Variants in NDST1 observed in about 807,000 individuals in gnomAD.
NDST1 encodes bifunctional heparan sulfate N-deacetylase/N-sulfotransferase 1.
NDST1 carries 35 observed loss-of-function variants against 92.8 expected under a neutral mutation model. The ratio of observed to expected loss-of-function variants is 0.38; its 90% CI spans 0.29 to 0.50. NDST1 has a LOEUF of 0.50. Among genes scored for constraint, NDST1 ranks in the 20% least tolerant of loss-of-function variants. NDST1 has a pLI of 0.94. For missense variants in NDST1, 822 were observed against 1,182.7 expected (o/e 0.69, Z 4.47); for synonymous variants, 493 against 500.3 (o/e 0.99, Z 0.19).
intron 1 of NDST1, among the ~76,000 whole-genome samples, chr5:150,501,023 C>T (rs1276325862): frequency 6.6e-6 from 1 of 152,198 alleles, no homozygotes; most frequent in Non-Finnish European, 1.5e-5. Flanking sequence ...TCGTCACAGC[C>T]ACCCCGGAGG....
chr5:150,523,662 A>T (rs1346044637), intron 2 of NDST1, among the ~76,000 whole-genome samples: 2 of 152,204 alleles, frequency 1.3e-5, no homozygotes, highest in Non-Finnish European at 2.9e-5. Context: ...CAGAGGCCAC[A>T]CCCAGTGCAC....
upstream of NDST1, among the ~76,000 whole-genome samples, chr5:150,505,259 C>T (rs761327188): frequency 6.6e-6 from 1 of 152,144 alleles, no homozygotes. Context: ...CTACCTGCTC[C>T]CGGCTGTCCA....
intron 1 of NDST1, among the ~76,000 whole-genome samples, chr5:150,510,115 C>T (rs748053348): frequency 1.2e-4 from 18 of 152,288 alleles, no homozygotes; most frequent in Middle Eastern, 6.8e-3. Flanking sequence ...TGTGTGACTT[C>T]GAGCGGTTGC....
chr5:150,528,443 T>C, intron 3 of NDST1, 145 bp downstream of exon 3: 1 of 925,722 alleles, frequency 1.1e-6, no homozygotes. Flanking sequence ...CTTCCTGTCC[T>C]GCCAGTTGGT....
chr5:150,553,098 C>T lies in NDST1; in HGVS notation c.2530-115C>T. Reference sequence around the variant, plus strand: ...TCAGGTGATCCACATGCCTCGGCCTCCCAAAGTGCTGGGATTACAGGCATG... The same window carrying T: ...TCAGGTGATCCACATGCCTCGGCCTTCCAAAGTGCTGGGATTACAGGCATG... On this transcript the variant is annotated intron_variant, in intron 14 of 14. Coordinates refer to ENST00000261797, the MANE Select transcript of NDST1 (RefSeq NM_001543.5). The surrounding 1 kb of genome is among the most constrained non-coding windows in gnomAD (Gnocchi z 4.2). 3 of 1,124,932 alleles carry T rather than the reference C, an allele frequency of 2.7e-6. No homozygotes were observed. The South Asian group carries it at 3.7e-5, about 14-fold the overall frequency. The allele number at this position is 1,124,932 out of a possible 1,614,324, so 69.7% of individuals were successfully genotyped here.
Position 150,533,179 on chromosome 5 carries a change from C to T in NDST1, c.1096+147C>T, listed in dbSNP as rs1248940964. 3.2e-5 allele frequency: 26 copies of T among 814,086 alleles called. 1 individual carries two copies. The South Asian group carries it at 3.6e-4, about 11-fold the overall frequency. The allele number at this position is 814,086 out of a possible 1,614,324, so 50.4% of individuals were successfully genotyped here. On this transcript the variant is annotated intron_variant, in intron 4 of 14. Transcript: ENST00000261797. ...GACCCCTCTGCCCCCGTGGAGCCAA[C>T]AGCCTACAAGAGCAGTCACAACCCA...
At position 150,528,079 on chromosome 5, in the gene NDST1, C is replaced by T. The variant is rs2273233; in HGVS notation, c.789C>T (p.His263=). Residue 263 remains histidine, a synonymous_variant, in exon 3 of 15, where the codon CAC becomes CAT. Transcript: ENST00000261797. ...GADAGLHAAL[H]ATVVQDLGLH... is the part of the protein sequence containing the mutation. ...ACGCCGGCCTGCATGCTGCACTGCA[C>T]GCCACTGTGGTCCAGGACCTGGGCC... 14,414 of 1,613,792 alleles carry T rather than the reference C, an allele frequency of 8.9e-3. 887 individuals are homozygous for T. The East Asian group carries it at 0.18, about 20-fold the overall frequency.
intron 5 of NDST1, 117 bp downstream of exon 5, chr5:150,535,138 C>A: frequency 6.9e-7 from 1 of 1,455,044 alleles, no homozygotes. Context: ...ACTAACACCT[C>A]TGGGCCAGGG....
At chr5:150,512,971 G>A (rs1279302321) in intron 1 of NDST1, among the ~76,000 whole-genome samples, 1 of 152,222 alleles carries the variant, frequency 6.6e-6, no homozygotes, top group Non-Finnish European at 1.5e-5. Flanking sequence ...GGGAAGCCAA[G>A]GCAGGAGGAT....
At chr5:150,513,255 C>A (rs1439793674) in intron 1 of NDST1, among the ~76,000 whole-genome samples, 2 of 151,938 alleles carry the variant, frequency 1.3e-5, no homozygotes, top group African/African-American at 4.8e-5. Flanking sequence ...CTTTGGGAGG[C>A]CGAGGCAGGT....
chr5:150,540,060 C>T, intron 7 of NDST1, 22 bp from the exon 8 acceptor site: 1 of 1,614,038 alleles, frequency 6.2e-7, no homozygotes, highest in Non-Finnish European at 8.5e-7. Context: ...CCCTGCCTCT[C>T]TCCTCCCCTC....
chr5:150,537,151 G>A (rs1388486361), intron 6 of NDST1, among the ~76,000 whole-genome samples: 3 of 152,226 alleles, frequency 2.0e-5, no homozygotes, highest in African/African-American at 7.2e-5. Flanking sequence ...ATCTTCATAA[G>A]CTGAGGATGA....
upstream of NDST1, among the ~76,000 whole-genome samples, chr5:150,505,806 G>T (rs1235889114): frequency 1.3e-5 from 2 of 152,064 alleles, no homozygotes; most frequent in Admixed American, 6.6e-5. Context: ...TAGAGATGGG[G>T]TCTTGCTGTA....
At chr5:150,532,404 C>T (rs1286032233) in intron 3 of NDST1, among the ~76,000 whole-genome samples, 1 of 152,242 alleles carries the variant, frequency 6.6e-6, no homozygotes, top group African/African-American at 2.4e-5. Flanking sequence ...TTGCCAGAGG[C>T]CTGGCGGACG....
At chr5:150,510,378 T>C (rs1342769536) in intron 1 of NDST1, among the ~76,000 whole-genome samples, 1 of 152,206 alleles carries the variant, frequency 6.6e-6, no homozygotes, top group East Asian at 1.9e-4. Context: ...GACTCTGTCA[T>C]AGGCAGATTT....
rs71589713 is a variant in NDST1 at position 150,530,557 on chromosome 5, ATTTTTTTTTT to A, written c.1008+2274_1008+2283del. Among the ~76,000 whole-genome samples the A allele has an allele frequency of 1.3e-3, 163 of 127,226 alleles. 2 individuals are homozygous for A. Among genetic ancestry groups the A allele is most frequent in the African/African-American group, 4.3e-3 (130 of 30,016 alleles). The allele number at this position is 127,226 out of a possible 152,430, so 83.5% of individuals were successfully genotyped here. A position where few individuals can be genotyped will look rare whatever the true frequency, so the allele number is the denominator to read the frequency against. On this transcript the variant is annotated intron_variant, in intron 3 of 14. Coordinates refer to ENST00000261797, the MANE Select transcript of NDST1 (RefSeq NM_001543.5). The stretch of plus-strand genomic sequence containing the variant: ...CTCTTATTAATTTTCCGTATTTTAA[ATTTTTTTTTT>A]TTTTTTTTTTTTTTGAGATAGAGTC...
chr5:150,510,743 A>G (rs1321430608), intron 1 of NDST1, among the ~76,000 whole-genome samples: 1 of 152,248 alleles, frequency 6.6e-6, no homozygotes, highest in Non-Finnish European at 1.5e-5. Context: ...CAGATTCACA[A>G]GTTGAGAACC....
chr5:150,546,520 C>T (rs1263656373), intron 11 of NDST1, among the ~76,000 whole-genome samples: 2 of 152,220 alleles, frequency 1.3e-5, no homozygotes, highest in African/African-American at 2.4e-5. Flanking sequence ...TGAGCATCCT[C>T]GTTAACCCAG....
In NDST1 at chr5:150,558,179, A is replaced by C. The variant is rs1170477279; in HGVS notation, c.*4847A>C. ...TTCCTCCATTAATGTACAATCTCGA[A>C]CTAACTGCTAATAAAGTGGGGTTCT... On this transcript the variant is annotated 3_prime_UTR_variant, in exon 15 of 15. Coordinates refer to ENST00000261797, the MANE Select transcript of NDST1 (RefSeq NM_001543.5). 2 of 152,558 alleles carry C rather than the reference A, an allele frequency of 1.3e-5. No individual in the cohort carries two copies. Among genetic ancestry groups the C allele is most frequent in the African/African-American group, 4.8e-5 (2 of 41,410 alleles). The allele number at this position is 152,558 out of a possible 1,614,324, so 9.5% of individuals were successfully genotyped here.
Sources: allele counts gnomAD v4.1 joint callset (sites outside exome capture counted in the v4.1 genomes callset), GRCh38; gene constraint gnomAD v4.1.1; non-coding constraint Gnocchi (gnomAD v3.1); transcripts MANE v1.5; gene names NCBI Gene and HGNC (gene_info 2026-07-23, HGNC 2026-07-21).